The following WRN variants were observed in gnomAD, a reference collection of about 807,000 sequenced individuals.
The protein encoded by WRN is bifunctional 3'-5' exonuclease/ATP-dependent helicase WRN.
WRN carries 149 observed loss-of-function variants against 180.7 expected under a neutral mutation model. The ratio of observed to expected loss-of-function variants is 0.82; its 90% CI spans 0.72 to 0.94. The LOEUF (loss-of-function observed/expected upper bound fraction) is 0.94, where lower values mean the gene tolerates loss of function less well. WRN is among the 40% of genes least tolerant of loss of function. WRN has a pLI of 0.00. For synonymous variants in WRN, 548 were observed against 568.9 expected (o/e 0.96, Z 0.52); for missense variants, 1,661 against 1,700.1 (o/e 0.98, Z 0.40).
chr8:31,165,516 A>G (rs1272778267), intron 33 of WRN, among the ~76,000 whole-genome samples: 2 of 152,108 alleles, frequency 1.3e-5, no homozygotes, highest in African/African-American at 4.8e-5. Flanking sequence ...TACTATATTT[A>G]AAATTTTATC....
In WRN at chr8:31,124,635, T is replaced by A; in HGVS notation, c.2732+12T>A. ...AGATGTAGGAGACAGTATGTATTAT[T>A]TATTTTATGCCAATAGTATGGATTT... On this transcript the variant is annotated intron_variant, in intron 22 of 34. Transcript: ENST00000298139. 6.3e-7 allele frequency: 1 copy of A among 1,590,134 alleles called. No individual in the cohort carries two copies. Among genetic ancestry groups the A allele is most frequent in the South Asian group, 1.1e-5 (1 of 90,474 alleles).
intron 16 of WRN, among the ~76,000 whole-genome samples, chr8:31,094,052 G>T (rs1199276989): frequency 6.6e-6 from 1 of 152,114 alleles, no homozygotes; most frequent in Non-Finnish European, 1.5e-5. Context: ...AAATAAAACT[G>T]CTATGAACAT....
chr8:31,144,348 T>TC (rs892469277), intron 28 of WRN, among the ~76,000 whole-genome samples: 5 of 151,458 alleles, frequency 3.3e-5, no homozygotes, highest in Admixed American at 3.3e-4. Context: ...TGTTTTTTTT[T>TC]TTTTCGAGAC....
chr8:31,136,463 G>C (rs1802399808), intron 24 of WRN, among the ~76,000 whole-genome samples: 1 of 152,168 alleles, frequency 6.6e-6, no homozygotes, highest in Admixed American at 6.5e-5. Context: ...CCAGAGTCAG[G>C]ATGAGCAAAT....
At chr8:31,076,069 G>T (rs1813082551) in intron 7 of WRN, 104 bp from the exon 8 acceptor site, 1 of 949,134 alleles carries the variant, frequency 1.1e-6, no homozygotes, top group Non-Finnish European at 1.7e-6. Flanking sequence ...TTCATTTAAG[G>T]AAAGAAAATG....
rs1554528394 is a variant in WRN, at chr8:31,120,350, T to C, written c.2556T>C (p.Ile852=). The C allele has an allele frequency of 6.2e-7, 1 of 1,612,906 alleles. No individual in the cohort carries two copies. ...ACATGGAATCATATTATCAGGAGATTGGTAGAGCTGGTCGTGATGGACTTC... is the reference window on the plus strand; with the variant it reads ...ACATGGAATCATATTATCAGGAGATCGGTAGAGCTGGTCGTGATGGACTTC... ...PKDMESYYQE[I]GRAGRDGLQS... The change falls in exon 21 of 35, where the codon ATT becomes ATC. Residue 852 remains isoleucine (I), a synonymous_variant. Coordinates refer to ENST00000298139, the MANE Select transcript of WRN (RefSeq NM_000553.6).
chr8:31,150,402 T>C lies in WRN; in HGVS notation c.3634T>C (p.Leu1212=). 1 of 1,614,174 alleles carries C rather than the reference T, an allele frequency of 6.2e-7. No homozygotes were observed. Among genetic ancestry groups the C allele is most frequent in the Non-Finnish European group, 8.5e-7 (1 of 1,180,028 alleles). ...DGVSEGKAAM[L]APLLEVIKHF... Reference sequence around the variant, plus strand: ...TGTTTCTGAAGGCAAAGCTGCCATGTTGGCCCCTCTGTTGGAAGTCATCAA... The same window carrying C: ...TGTTTCTGAAGGCAAAGCTGCCATGCTGGCCCCTCTGTTGGAAGTCATCAA... Residue 1212 remains leucine, a synonymous_variant, in exon 31 of 35, where the codon TTG becomes CTG. Transcript: ENST00000298139.
intron 23 of WRN, among the ~76,000 whole-genome samples, chr8:31,130,891 A>G (rs1802137460): frequency 6.6e-6 from 1 of 152,166 alleles, no homozygotes; most frequent in Non-Finnish European, 1.5e-5. Flanking sequence ...AACATCCTGG[A>G]GTATAAAGAT....
At chr8:31,047,530 A>G (rs919007017) in intron 1 of WRN, among the ~76,000 whole-genome samples, 1 of 152,152 alleles carries the variant, frequency 6.6e-6, no homozygotes, top group Non-Finnish European at 1.5e-5. Context: ...CTTAAAGCGC[A>G]TTGGACATTG....
chr8:31,052,592 G>T (rs1812117897), intron 1 of WRN, among the ~76,000 whole-genome samples: 1 of 152,020 alleles, frequency 6.6e-6, no homozygotes, highest in African/African-American at 2.4e-5. Flanking sequence ...TTCGCCATAT[G>T]CCCAGGCTGG....
At chr8:31,114,623 C>T (rs1208440289) in intron 19 of WRN, among the ~76,000 whole-genome samples, 1 of 152,078 alleles carries the variant, frequency 6.6e-6, no homozygotes, top group Non-Finnish European at 1.5e-5. Flanking sequence ...GTTGTGATCA[C>T]TGTTGGTATT....
chr8:31,063,809 G>A (rs1009776129), intron 3 of WRN, among the ~76,000 whole-genome samples: 8 of 152,056 alleles, frequency 5.3e-5, no homozygotes, highest in South Asian at 2.1e-4. Context: ...CGCTAACCTC[G>A]AACTCCTGGA....
chr8:31,113,017 G>C (rs1033810560), intron 19 of WRN, among the ~76,000 whole-genome samples: 2 of 151,752 alleles, frequency 1.3e-5, no homozygotes, highest in African/African-American at 4.8e-5. Flanking sequence ...ACCAGCCTGG[G>C]CAACATGGTG....
At chr8:31,064,236 C>A (rs6983980) in intron 3 of WRN, 53 bp from the exon 4 acceptor site, 59 of 1,603,778 alleles carry the variant, frequency 3.7e-5, no homozygotes, top group Non-Finnish European at 4.4e-5. Context: ...TTTAGTTATG[C>A]AGAAGTTTAA....
In WRN at chr8:31,111,642, G is replaced by T. The variant is rs775913837; in HGVS notation, c.2116G>T (p.Ala706Ser). The T allele has an allele frequency of 1.2e-6, 2 of 1,614,018 alleles. No homozygotes were observed. Among genetic ancestry groups the T allele is most frequent in the East Asian group, 2.2e-5 (1 of 44,830 alleles). ...TCCAATCGTTGCACTTACTGCTACT[G>T]CAAGTTCTTCAATCCGGGAAGACAT... ...MVPIVALTATASSSIREDIVR... is the reference protein window; with the variant it reads ...MVPIVALTATSSSSIREDIVR... The change falls in exon 19 of 35, where the codon GCA becomes TCA. Residue 706 changes from alanine to serine, a missense_variant. Physicochemically the swap from Ala to Ser is moderately conservative, Grantham distance 99 (BLOSUM62 1). Transcript: ENST00000298139.
intron 32 of WRN, among the ~76,000 whole-genome samples, chr8:31,155,382 G>C (rs887541561): frequency 6.6e-6 from 1 of 152,118 alleles, no homozygotes. Flanking sequence ...CAGCACTTCG[G>C]GAGGCTGAGG....
At chr8:31,110,174 A>C (rs950906549) in intron 18 of WRN, among the ~76,000 whole-genome samples, 1 of 152,174 alleles carries the variant, frequency 6.6e-6, no homozygotes, top group African/African-American at 2.4e-5. Context: ...CCTTATTCTC[A>C]GCCTTATATT....
At chr8:31,166,879 C>T (rs1803896901) in intron 33 of WRN, 143 bp from the exon 34 acceptor site, 3 of 753,786 alleles carry the variant, frequency 4.0e-6, no homozygotes, top group Admixed American at 2.6e-5. Context: ...TTCCGTAAGG[C>T]TATAGGCATT....
intron 1 of WRN, among the ~76,000 whole-genome samples, chr8:31,038,900 C>T (rs1338457039): frequency 2.6e-5 from 4 of 152,142 alleles, no homozygotes; most frequent in Admixed American, 6.5e-5. Flanking sequence ...TATGGATTTA[C>T]TCCTGGAATC....
Sources: gnomAD v4.1 joint callset for allele counts (sites outside exome capture counted in the v4.1 genomes callset) on GRCh38, gnomAD v4.1.1 for gene constraint, MANE v1.5 for transcripts, NCBI Gene and HGNC (gene_info 2026-07-23, HGNC 2026-07-21) for gene names.